GALNT9: variants seen among roughly 807,000 people sequenced by gnomAD.
GALNT9 encodes polypeptide N-acetylgalactosaminyltransferase 9, also known as GalNAc transferase 9.
A neutral mutation model predicts 63.1 loss-of-function variants in GALNT9; 47 were observed. The observed-to-expected ratio is 0.75, with a 90% CI of 0.59 to 0.95. GALNT9 has a LOEUF of 0.95. GALNT9 is among the 40% of genes least tolerant of loss of function. GALNT9 has a pLI of 0.00. For synonymous variants in GALNT9, 396 were observed against 365.7 expected (o/e 1.08, Z -0.94); for missense variants, 829 against 874.8 (o/e 0.95, Z 0.66).
At chr12:132,259,644 G>A (rs989948550) in intron 4 of GALNT9, among the ~76,000 whole-genome samples, 19 of 152,174 alleles carry the variant, frequency 1.2e-4, no homozygotes, top group Non-Finnish European at 2.2e-4. Flanking sequence ...TGGAAACCAC[G>A]GACTTTAAGA....
chr12:132,272,413 G>A (rs1218325468), intron 2 of GALNT9, among the ~76,000 whole-genome samples: 8 of 152,322 alleles, frequency 5.3e-5, no homozygotes, highest in African/African-American at 1.7e-4. Context: ...CCCTACTGCC[G>A]GGCGCTTAAA....
intron 1 of GALNT9, among the ~76,000 whole-genome samples, chr12:132,302,412 C>G (rs76635593): frequency 1.3e-5 from 2 of 152,200 alleles, no homozygotes; most frequent in Admixed American, 6.5e-5. Context: ...TTTATCACTA[C>G]GTCTTGAGTA....
chr12:132,286,497 C>A lies in GALNT9; in HGVS notation c.239-67G>T, dbSNP rs1593105519. ...ACGCTGCGTCTGCACCCAGGAGACG[C>A]CCCTCCCGCCCCTCTCCCCGACGGC... On this transcript the variant is annotated intron_variant, in intron 1 of 10. Coordinates refer to ENST00000328957, the MANE Select transcript of GALNT9 (RefSeq NM_001122636.2). This position sits in a 1 kb window ranked among gnomAD's most constrained non-coding sequence, Gnocchi z 7.4. 1 of 1,453,434 alleles carries A rather than the reference C, an allele frequency of 6.9e-7. No homozygotes were observed. Among genetic ancestry groups the A allele is most frequent in the East Asian group, 2.5e-5 (1 of 39,300 alleles). 90.0% of individuals were successfully genotyped at this position (1,453,434 alleles called of 1,614,324 possible). A position where few individuals can be genotyped will look rare whatever the true frequency, so the allele number is the denominator to read the frequency against.
chr12:132,206,903 GA>G (rs991344938), intron 6 of GALNT9, among the ~76,000 whole-genome samples: 2 of 152,130 alleles, frequency 1.3e-5, no homozygotes, highest in Admixed American at 6.5e-5. Flanking sequence ...CACCTCCACA[GA>G]AAAAAACAAA....
chr12:132,295,838 AGCCTCCGAACAGGGACG>A, intron 1 of GALNT9, among the ~76,000 whole-genome samples: 1 of 145,704 alleles, frequency 6.9e-6, no homozygotes, highest in East Asian at 2.1e-4. Flanking sequence ...GAACAGGGAG[AGCCTCCGAACAGGGACG>A]GCCTCCGAAC....
At chr12:132,247,813 C>A in intron 6 of GALNT9, 97 bp downstream of exon 6, 1 of 1,516,258 alleles carries the variant, frequency 6.6e-7, no homozygotes, top group Non-Finnish European at 8.9e-7. Context: ...CTCACCCCGT[C>A]CCCGGACACC....
chr12:132,210,205 A>G (rs983932427), intron 6 of GALNT9, among the ~76,000 whole-genome samples: 4 of 152,202 alleles, frequency 2.6e-5, no homozygotes, highest in African/African-American at 7.2e-5. Flanking sequence ...CAGCGAGAGG[A>G]GAGACAGGAG....
chr12:132,285,996 C>T (rs1465545046), intron 2 of GALNT9, among the ~76,000 whole-genome samples: 3 of 152,134 alleles, frequency 2.0e-5, no homozygotes, highest in Non-Finnish European at 4.4e-5. Flanking sequence ...CACAGCAGAC[C>T]TTTGCGCGTT....
chr12:132,205,825 C>T (rs1270649023), intron 6 of GALNT9: 2 of 152,076 alleles, frequency 1.3e-5, no homozygotes, highest in East Asian at 3.9e-4. Flanking sequence ...GGAAGGGGCC[C>T]CGCTGGTGAA....
chr12:132,241,540 G>A (rs1194930810), intron 6 of GALNT9, among the ~76,000 whole-genome samples: 79 of 73,482 alleles, frequency 1.1e-3, no homozygotes, highest in African/African-American at 3.4e-3. Context: ...CCCTTCCCGG[G>A]GCCCTCCCTA....
chr12:132,237,928 G>A (rs2136895712), intron 6 of GALNT9, among the ~76,000 whole-genome samples: 2 of 152,182 alleles, frequency 1.3e-5, no homozygotes, highest in Non-Finnish European at 2.9e-5. Context: ...GCCTGCCCCT[G>A]CTGCCCTCCA....
intron 6 of GALNT9, among the ~76,000 whole-genome samples, chr12:132,212,129 A>C (rs73486349): frequency 0.014 from 2,118 of 150,200 alleles, 44 homozygotes; most frequent in African/African-American, 0.049. Flanking sequence ...TGACACGGAA[A>C]CCCCACCCGG....
intron 9 of GALNT9, among the ~76,000 whole-genome samples, chr12:132,198,183 C>T (rs951078889): frequency 5.9e-5 from 9 of 152,362 alleles, no homozygotes; most frequent in South Asian, 4.1e-4. Context: ...GGGCCAGGCT[C>T]CCGGCTTGCA....
At chr12:132,260,797 T>G in intron 4 of GALNT9, 151 bp downstream of exon 4, 1 of 1,128,850 alleles carries the variant, frequency 8.9e-7, no homozygotes, top group Non-Finnish European at 1.2e-6. Flanking sequence ...GACTCAGTGG[T>G]GGCTCTCAGT....
intron 6 of GALNT9, among the ~76,000 whole-genome samples, chr12:132,239,369 CACACAGAGACAGAG>C (rs1382572781): frequency 2.3e-5 from 3 of 128,866 alleles, no homozygotes; most frequent in Non-Finnish European, 4.9e-5. Flanking sequence ...GAGAGAGAGA[CACACAGAGACAGAG>C]ACACAGAGAC....
At position 132,258,489 on chromosome 12, in the gene GALNT9, C is replaced by T. The variant is rs143448804; in HGVS notation, c.762-603G>A. 1.5e-4 allele frequency among the ~76,000 whole-genome samples: 23 copies of T among 152,254 alleles called. No individual in the cohort carries two copies. In the East Asian group the frequency reaches 3.1e-3, roughly 20 times the overall value. On this transcript the variant is annotated intron_variant, in intron 4 of 10. Transcript: ENST00000328957. ...GCAGCGGCCCCGCTCAAGGACGGGA[C>T]GGAGGATGAGGTATAAGCAGTCGTG...
At chr12:132,210,072 GAC>G (rs1355707458) in intron 6 of GALNT9, among the ~76,000 whole-genome samples, 1 of 152,222 alleles carries the variant, frequency 6.6e-6, no homozygotes, top group African/African-American at 2.4e-5. Flanking sequence ...TGGCGTGGGT[GAC>G]ACACCAAGGC....
intron 2 of GALNT9, chr12:132,284,131 GCACGCACACC>G (rs1297937911): frequency 1.4e-5 from 2 of 146,522 alleles, no homozygotes; most frequent in African/African-American, 2.6e-5. Flanking sequence ...ACACGCACAT[GCACGCACACC>G]CACGCACATG....
At chr12:132,225,498 C>A in intron 6 of GALNT9, among the ~76,000 whole-genome samples, 1 of 149,646 alleles carries the variant, frequency 6.7e-6, no homozygotes, top group Non-Finnish European at 1.5e-5. Flanking sequence ...ACATACCACA[C>A]AATCCACACT....
Sources: gnomAD v4.1 joint callset for allele counts (sites outside exome capture counted in the v4.1 genomes callset) on GRCh38, gnomAD v4.1.1 for gene constraint, Gnocchi (gnomAD v3.1) non-coding constraint, MANE v1.5 for transcripts, NCBI Gene and HGNC (gene_info 2026-07-23, HGNC 2026-07-21) for gene names.